The following AMDHD2 variants were observed in gnomAD, a reference collection of about 807,000 sequenced individuals.
The protein encoded by AMDHD2 is N-acetylglucosamine-6-phosphate deacetylase.
In AMDHD2, 24 loss-of-function variants were observed where a neutral mutation model predicts 41.8. That is an observed-to-expected ratio of 0.57 (90% CI 0.42 to 0.81). The LOEUF (loss-of-function observed/expected upper bound fraction) is 0.81, where lower values mean the gene tolerates loss of function less well. Among genes scored for constraint, AMDHD2 ranks in the 30% least tolerant of loss-of-function variants. The pLI is 0.00. For synonymous variants in AMDHD2, 332 were observed against 255.5 expected, an observed-to-expected ratio of 1.30 and a Z score of -2.85; for missense variants, 540 against 588.5, an observed-to-expected ratio of 0.92 and a Z score of 0.85.
chr16:2,530,685 A>G lies in AMDHD2; in HGVS notation c.*1122A>G, dbSNP rs758547354. ...GAAATGTCTCCAGGTCCAAAGAGATAGGATGGTCTGGGCCCCACCTGTTGG... is the reference window on the plus strand; with the variant it reads ...GAAATGTCTCCAGGTCCAAAGAGATGGGATGGTCTGGGCCCCACCTGTTGG... On this transcript the variant is annotated 3_prime_UTR_variant, in exon 11 of 11. Coordinates refer to ENST00000293971, the MANE Select transcript of AMDHD2 (RefSeq NM_001330449.2). The G allele has an allele frequency of 5.0e-6, 8 of 1,614,146 alleles. No individual in the cohort carries two copies. In the South Asian group the frequency reaches 5.5e-5, roughly 11 times the overall value.
chr16:2,520,741 T>C, intron 1 of AMDHD2, 28 bp from the exon 2 acceptor site: 1 of 1,523,226 alleles, frequency 6.6e-7, no homozygotes, highest in Non-Finnish European at 8.8e-7. Context: ...AGGCCCGCGA[T>C]GCGAGCGCCC....
rs997738181 is a variant in AMDHD2, at chr16:2,529,651, G to A, written c.*88G>A. 21 of 1,579,190 alleles carry A rather than the reference G, an allele frequency of 1.3e-5. No individual in the cohort carries two copies. Among genetic ancestry groups the A allele is most frequent in the Middle Eastern group, 2.0e-4 (1 of 5,082 alleles). On this transcript the variant is annotated 3_prime_UTR_variant, in exon 11 of 11. Coordinates refer to ENST00000293971, the MANE Select transcript of AMDHD2 (RefSeq NM_001330449.2). ...GGAGCTGGTCTCCAGGGAGTGAGTC[G>A]GGAGCCCTGCTGGATTGATGCCCAG...
Position 2,529,976 on chromosome 16 carries a change from A to G in AMDHD2, c.*413A>G, listed in dbSNP as rs1860735548. On this transcript the variant is annotated 3_prime_UTR_variant, in exon 11 of 11. Transcript: ENST00000293971. ...GCTGGTGCCATGGGGTGAAGCCACC[A>G]TGGGCTGGGGGTGAAGAGCCGGCAG... 1.3e-6 allele frequency: 1 copy of G among 751,856 alleles called. No homozygotes were observed. Among genetic ancestry groups the G allele is most frequent in the Admixed American group, 3.1e-5 (1 of 32,544 alleles). 46.6% of individuals were successfully genotyped at this position (751,856 alleles called of 1,614,324 possible).
In AMDHD2 at chr16:2,530,906, C is replaced by A; in HGVS notation, c.*1343C>A. On this transcript the variant is annotated 3_prime_UTR_variant, in exon 11 of 11. Transcript: ENST00000293971. ...CCACCTCTGCCTTGACGGCCGCGCA[C>A]CCCTTAGGAAGTGGCTGTCCAGCGC... 5 of 1,613,560 alleles carry A rather than the reference C, an allele frequency of 3.1e-6. No homozygotes were observed. The highest frequency in any genetic ancestry group is 4.2e-6 in the Non-Finnish European group (5 of 1,179,990).
At position 2,529,807 on chromosome 16, in the gene AMDHD2, C is replaced by T. The variant is rs764048847; in HGVS notation, c.*244C>T. On this transcript the variant is annotated 3_prime_UTR_variant, in exon 11 of 11. Transcript: ENST00000293971. ...GTTGCCCTCCTGGAGAAGGCATTCA[C>T]GGCCTGGGGTGGGATGGCTGGGCTG... The T allele has an allele frequency of 1.4e-4, 205 of 1,427,280 alleles. No individual in the cohort carries two copies. The highest frequency in any genetic ancestry group is 1.8e-4 in the Non-Finnish European group (192 of 1,094,268). The allele number at this position is 1,427,280 out of a possible 1,614,324, so 88.4% of individuals were successfully genotyped here.
Position 2,529,069 on chromosome 16 carries a change from G to A in AMDHD2, c.1115G>A (p.Gly372Glu), listed in dbSNP as rs2066048425. The A allele has an allele frequency of 6.3e-7, 1 of 1,595,184 alleles. No homozygotes were observed. Among genetic ancestry groups the A allele is most frequent in the Non-Finnish European group, 8.5e-7 (1 of 1,171,496 alleles). The change falls in exon 10 of 11, where the codon GGG becomes GAG. Residue 372 changes from glycine (G) to glutamate (E), a missense_variant. By Grantham distance (98) the Gly-to-Glu change is moderately conservative (BLOSUM62 -2). Transcript: ENST00000293971. ...AQLLGLEKSK[G>E]TLDFGADADF... is the part of the protein sequence containing the mutation. ...TTGCTGGGGCTGGAGAAGAGTAAGG[G>A]GACCCTGGACTTTGGTGCTGACGCA...
intron 3 of AMDHD2, among the ~76,000 whole-genome samples, chr16:2,524,931 T>A (rs561582758): frequency 1.4e-4 from 21 of 151,664 alleles, no homozygotes; most frequent in Non-Finnish European, 2.1e-4. Flanking sequence ...TGTGAAGGGA[T>A]GTGTGGCCCA....
chr16:2,530,289 T>G lies in AMDHD2; in HGVS notation c.*726T>G. ...GCTTGCCGGCTGTGGTGACCCTGCCTGGTGCTGGAGGGCAGTATGGGAGGC... is the reference window on the plus strand; with the variant it reads ...GCTTGCCGGCTGTGGTGACCCTGCCGGGTGCTGGAGGGCAGTATGGGAGGC... On this transcript the variant is annotated 3_prime_UTR_variant, in exon 11 of 11. Coordinates refer to ENST00000293971, the MANE Select transcript of AMDHD2 (RefSeq NM_001330449.2). 2 of 1,613,658 alleles carry G rather than the reference T, an allele frequency of 1.2e-6. No homozygotes were observed. The highest frequency in any genetic ancestry group is 1.7e-6 in the Non-Finnish European group (2 of 1,179,852).
Position 2,530,274 on chromosome 16 carries a change from T to G in AMDHD2, c.*711T>G. On this transcript the variant is annotated 3_prime_UTR_variant, in exon 11 of 11. Transcript: ENST00000293971. ...ATCCCCAGGCCCAGTGCTTGCCGGC[T>G]GTGGTGACCCTGCCTGGTGCTGGAG... 6.2e-7 allele frequency: 1 copy of G among 1,612,758 alleles called. No homozygotes were observed. Among genetic ancestry groups the G allele is most frequent in the Non-Finnish European group, 8.5e-7 (1 of 1,179,424 alleles).
At chr16:2,525,518 C>A (rs888429073) in intron 3 of AMDHD2, among the ~76,000 whole-genome samples, 1 of 151,930 alleles carries the variant, frequency 6.6e-6, no homozygotes, top group Non-Finnish European at 1.5e-5. Context: ...AGGCGTGTGC[C>A]ACTATGCCTG....
In AMDHD2 at chr16:2,521,135, C is replaced by T. The variant is rs375931532; in HGVS notation, c.360+12C>T. 5.1e-6 allele frequency: 8 copies of T among 1,556,838 alleles called. No homozygotes were observed. Among genetic ancestry groups the T allele is most frequent in the Non-Finnish European group, 7.0e-6 (8 of 1,145,384 alleles). On this transcript the variant is annotated intron_variant, in intron 3 of 10. Coordinates refer to ENST00000293971, the MANE Select transcript of AMDHD2 (RefSeq NM_001330449.2). ...AGGTTTATCACAAGGTGAGGTGAGGCTCCCTGGCTGAGGTGGAGGGGGCTC... is the reference window on the plus strand; with the variant it reads ...AGGTTTATCACAAGGTGAGGTGAGGTTCCCTGGCTGAGGTGGAGGGGGCTC...
At position 2,520,383 on chromosome 16, in the gene AMDHD2, G is replaced by T; in HGVS notation, c.-76G>T. On this transcript the variant is annotated 5_prime_UTR_variant, in exon 1 of 11. Transcript: ENST00000293971. ...TCACGTGGGCGCGGTCTCAGCTCTCGGCTGGGGTTCGTCACTGGGCGCGGG... is the reference window on the plus strand; with the variant it reads ...TCACGTGGGCGCGGTCTCAGCTCTCTGCTGGGGTTCGTCACTGGGCGCGGG... The T allele has an allele frequency of 2.6e-6, 3 of 1,163,866 alleles. No individual in the cohort carries two copies. The highest frequency in any genetic ancestry group is 1.6e-5 in the African/African-American group (1 of 62,516). The allele number at this position is 1,163,866 out of a possible 1,614,324, so 72.1% of individuals were successfully genotyped here.
At chr16:2,521,230 C>T (rs536585558) in intron 3 of AMDHD2, 107 bp downstream of exon 3, 154 of 1,360,460 alleles carry the variant, frequency 1.1e-4, no homozygotes, top group Non-Finnish European at 1.4e-4. Flanking sequence ...ATTCCATGGT[C>T]CTGAGTCTGG....
rs182878112 is a variant in AMDHD2 at position 2,523,428 on chromosome 16, C to T, written c.360+2305C>T. Among the ~76,000 whole-genome samples, 151 of 152,244 alleles carry T rather than the reference C, an allele frequency of 9.9e-4. 1 individual carries two copies. The highest frequency in any genetic ancestry group is 1.9e-3 in the Non-Finnish European group (131 of 68,016). ...TCAGGCTTCCTGGATTTGGCATTGG[C>T]CTCCTGATGTCATGTATCGGCTGGA... On this transcript the variant is annotated intron_variant, in intron 3 of 10. Transcript: ENST00000293971.
At chr16:2,529,274 G>T (rs1457765979) in intron 10 of AMDHD2, 179 bp downstream of exon 10, 7 of 1,060,122 alleles carry the variant, frequency 6.6e-6, no homozygotes, top group Non-Finnish European at 9.3e-6. Context: ...GGGCTTTCTG[G>T]TGTTGCAGAC....
Position 2,530,395 on chromosome 16 carries a change from A to C in AMDHD2, c.*832A>C. 2.5e-6 allele frequency: 4 copies of C among 1,614,198 alleles called. No individual in the cohort carries two copies. The highest frequency in any genetic ancestry group is 1.1e-5 in the South Asian group (1 of 91,086). On this transcript the variant is annotated 3_prime_UTR_variant, in exon 11 of 11. Transcript: ENST00000293971. Reference sequence around the variant, plus strand: ...TGGCCCTGGCACACACCCATGTGGCAAACACGGGCCGTGAGGCTCCCTGAA... The same window carrying C: ...TGGCCCTGGCACACACCCATGTGGCCAACACGGGCCGTGAGGCTCCCTGAA...
chr16:2,525,986 C>A (rs758696185), intron 3 of AMDHD2, among the ~76,000 whole-genome samples: 1 of 152,202 alleles, frequency 6.6e-6, no homozygotes, highest in Non-Finnish European at 1.5e-5. Flanking sequence ...GCCCAGTGTT[C>A]CTTTTTCTGC....
intron 3 of AMDHD2, among the ~76,000 whole-genome samples, chr16:2,525,250 C>T (rs1465849637): frequency 6.6e-6 from 1 of 151,500 alleles, no homozygotes; most frequent in Non-Finnish European, 1.5e-5. Flanking sequence ...TAGAGATGGG[C>T]TTGCTCCATG....
intron 10 of AMDHD2, 171 bp from the exon 11 acceptor site, chr16:2,529,304 C>T: frequency 8.6e-7 from 1 of 1,164,430 alleles, no homozygotes; most frequent in South Asian, 1.5e-5. Flanking sequence ...CAAGGGGTTG[C>T]AGGGAGCATT....
Sources: allele counts gnomAD v4.1 joint callset (sites outside exome capture counted in the v4.1 genomes callset), GRCh38; gene constraint gnomAD v4.1.1; transcripts MANE v1.5; gene names NCBI Gene and HGNC (gene_info 2026-07-23, HGNC 2026-07-21).